Variants in AFAP1 observed in about 807,000 individuals in gnomAD.
AFAP1 encodes the protein actin filament-associated protein 1.
AFAP1 carries 75 observed loss-of-function variants against 93.9 expected under a neutral mutation model. The observed-to-expected ratio is 0.80, with a 90% CI of 0.66 to 0.97. The LOEUF is 0.97. Ranked by LOEUF, AFAP1 falls within the 50% of genes least tolerant of loss-of-function variation. AFAP1 has a pLI of 0.00. For synonymous variants in AFAP1, 517 were observed against 430.7 expected (o/e 1.20, Z -2.48); for missense variants, 1,201 against 1,050.8 (o/e 1.14, Z -1.98).
At chr4:7,922,765 C>G (rs1438530352) in intron 1 of AFAP1, among the ~76,000 whole-genome samples, 2 of 152,174 alleles carry the variant, frequency 1.3e-5, no homozygotes, top group African/African-American at 4.8e-5. Flanking sequence ...GAGAGGACTG[C>G]TTGAGGCCAG....
intron 3 of AFAP1, among the ~76,000 whole-genome samples, chr4:7,858,848 A>T (rs192926123): frequency 6.6e-5 from 10 of 152,322 alleles, no homozygotes; most frequent in Admixed American, 6.5e-4. Flanking sequence ...ATTCTTATAA[A>T]GTTACAGGTC....
intron 1 of AFAP1, among the ~76,000 whole-genome samples, chr4:7,881,738 G>A (rs776863454): frequency 2.3e-4 from 34 of 150,936 alleles, no homozygotes; most frequent in Non-Finnish European, 4.4e-4. Context: ...CCAAGATCAC[G>A]CCACTGCACT....
chr4:7,844,361 G>A (rs577596890), intron 4 of AFAP1, among the ~76,000 whole-genome samples: 3 of 152,174 alleles, frequency 2.0e-5, no homozygotes, highest in Non-Finnish European at 4.4e-5. Flanking sequence ...GCCAGGAAGA[G>A]GCCTCGCCAG....
Position 7,781,600 on chromosome 4 carries a change from A to C in AFAP1, c.1558T>G (p.Ser520Ala). 6.4e-7 allele frequency: 1 copy of C among 1,551,812 alleles called. No homozygotes were observed. The highest frequency in any genetic ancestry group is 2.0e-5 in the Admixed American group (1 of 51,002). ...TCTTCTCCCAAGCCTCTGCTGCAGG[A>C]AGCAGGAAAGCCGTCTTCCGGTTCC... Reference protein sequence around the residue: ...SWEPEDGFPASCSRGLGEEVL... With the variant: ...SWEPEDGFPAACSRGLGEEVL... The change falls in exon 13 of 18, where the codon TCC becomes GCC. Residue 520 changes from serine (S) to alanine (A), a missense_variant. By Grantham distance (99) the Ser-to-Ala change is moderately conservative. Coordinates refer to ENST00000420658, the MANE Select transcript of AFAP1 (RefSeq NM_001134647.2).
At chr4:7,873,502 C>G (rs1041397532) in intron 1 of AFAP1, among the ~76,000 whole-genome samples, 2 of 151,070 alleles carry the variant, frequency 1.3e-5, no homozygotes, top group Non-Finnish European at 3.0e-5. Flanking sequence ...GCGCCCGCCA[C>G]CACGCCCAGC....
At chr4:7,778,431 A>AG (rs1716380270) in intron 14 of AFAP1, 2 of 410,142 alleles carry the variant, frequency 4.9e-6, no homozygotes, top group Admixed American at 7.9e-5. Context: ...ACCACAGATC[A>AG]GGGACAGGAG....
rs557728569 is a variant in AFAP1 at position 7,860,646 on chromosome 4, T to C, written c.226-5072A>G. ...GGCTGGACATGCTTATCCACAGAAG[T>C]CAGCCAGAGTGGGCACGGCCTGCTG... On this transcript the variant is annotated intron_variant, in intron 3 of 17. Transcript: ENST00000420658. Among the ~76,000 whole-genome samples the C allele has an allele frequency of 7.9e-5, 12 of 152,180 alleles. No individual in the cohort carries two copies. The East Asian group carries it at 2.3e-3, about 29-fold the overall frequency.
rs768951562 is a variant in AFAP1 at position 7,809,614 on chromosome 4, C to T, written c.1054G>A (p.Gly352Ser). Residue 352 changes from glycine (G) to serine (S), a missense_variant and splice_region_variant, in exon 9 of 18, where the codon GGC becomes AGC. By Grantham distance (56) the Gly-to-Ser change is moderately conservative. Transcript: ENST00000420658. Reference sequence around the variant, plus strand: ...TCGTCTCCGGGAAGCGCAGTCTTACCGCAGGTGGGAACATCTTCCTCAGCT... The same window carrying T: ...TCGTCTCCGGGAAGCGCAGTCTTACTGCAGGTGGGAACATCTTCCTCAGCT... ...SSAEEDVPTC[G>S]YLNVLSNSRW... is the part of the protein sequence containing the mutation. The T allele has an allele frequency of 3.1e-6, 5 of 1,611,656 alleles. No individual in the cohort carries two copies. Among genetic ancestry groups the T allele is most frequent in the South Asian group, 2.2e-5 (2 of 90,344 alleles).
rs1222333324 is a variant in AFAP1, at chr4:7,761,839, G to A, written c.*1926C>T. ...AATGGTGGGAAGTGACCACTGGAGG[G>A]AGGGCTCCTCTATGGCAATGCAGCG... On this transcript the variant is annotated 3_prime_UTR_variant, in exon 18 of 18. Coordinates refer to ENST00000420658, the MANE Select transcript of AFAP1 (RefSeq NM_001134647.2). 2 of 152,320 alleles carry A rather than the reference G, an allele frequency of 1.3e-5. No homozygotes were observed. Among genetic ancestry groups the A allele is most frequent in the Non-Finnish European group, 2.9e-5 (2 of 68,098 alleles). The allele number at this position is 152,320 out of a possible 1,614,324, so 9.4% of individuals were successfully genotyped here.
chr4:7,766,258 A>G (rs555955398), intron 17 of AFAP1, among the ~76,000 whole-genome samples: 1 of 152,280 alleles, frequency 6.6e-6, no homozygotes, highest in East Asian at 1.9e-4. Context: ...TCCCTGGGAC[A>G]GCTATGTGGG....
At chr4:7,822,174 G>A (rs1721024662) in intron 6 of AFAP1, among the ~76,000 whole-genome samples, 1 of 152,158 alleles carries the variant, frequency 6.6e-6, no homozygotes. Flanking sequence ...TTCACGCAAT[G>A]GAAAACTCCT....
At chr4:7,922,353 G>A (rs1176822490) in intron 1 of AFAP1, among the ~76,000 whole-genome samples, 1 of 152,136 alleles carries the variant, frequency 6.6e-6, no homozygotes, top group South Asian at 2.1e-4. Context: ...AGAGTTCAAA[G>A]GAAGAAAAAT....
chr4:7,775,766 C>G (rs548283341), intron 14 of AFAP1: 3 of 152,132 alleles, frequency 2.0e-5, no homozygotes, highest in African/African-American at 7.2e-5. Context: ...TTCCCTCATC[C>G]GTGAAATGGG....
At chr4:7,791,082 C>T (rs572876080) in intron 11 of AFAP1, among the ~76,000 whole-genome samples, 1 of 152,322 alleles carries the variant, frequency 6.6e-6, no homozygotes, top group African/African-American at 2.4e-5. Context: ...TGCTCCAATT[C>T]CCCATAAATA....
chr4:7,892,758 T>C (rs1342636658), intron 1 of AFAP1, among the ~76,000 whole-genome samples: 1 of 152,064 alleles, frequency 6.6e-6, no homozygotes, highest in Non-Finnish European at 1.5e-5. Context: ...CCCCAAACTA[T>C]TCCATGACGC....
At chr4:7,767,310 T>C (rs1714740446) in intron 17 of AFAP1, among the ~76,000 whole-genome samples, 2 of 152,200 alleles carry the variant, frequency 1.3e-5, no homozygotes, top group Admixed American at 1.3e-4. Context: ...AACCTCTGTA[T>C]GACGGAAGCA....
chr4:7,863,676 C>T (rs554686922), intron 3 of AFAP1, among the ~76,000 whole-genome samples: 1 of 152,204 alleles, frequency 6.6e-6, no homozygotes, highest in Non-Finnish European at 1.5e-5. Context: ...GAAAGACGCA[C>T]CATGTCACAC....
intron 3 of AFAP1, among the ~76,000 whole-genome samples, chr4:7,867,697 A>G (rs543667747): frequency 2.4e-4 from 36 of 152,260 alleles, no homozygotes; most frequent in African/African-American, 8.4e-4. Flanking sequence ...CCCTGATAAG[A>G]AGCGTTAGGG....
At chr4:7,855,144 G>A (rs1714902044) in intron 4 of AFAP1, among the ~76,000 whole-genome samples, 1 of 152,214 alleles carries the variant, frequency 6.6e-6, no homozygotes, top group South Asian at 2.1e-4. Flanking sequence ...CTAAGGAAGT[G>A]GGGGCTGTAG....
Sources: allele counts gnomAD v4.1 joint callset (sites outside exome capture counted in the v4.1 genomes callset), GRCh38; gene constraint gnomAD v4.1.1; transcripts MANE v1.5; gene names NCBI Gene and HGNC (gene_info 2026-07-23, HGNC 2026-07-21).